Variants in FAM83B observed in about 807,000 individuals in gnomAD.
FAM83B encodes the protein scaffolding CK1 anchoring protein B.
FAM83B carries 26 observed loss-of-function variants against 38.8 expected under a neutral mutation model. The ratio of observed to expected loss-of-function variants is 0.67; its 90% confidence interval spans 0.49 to 0.93. FAM83B has a LOEUF of 0.93. Among genes scored for constraint, FAM83B ranks in the 40% least tolerant of loss-of-function variants. The probability of loss-of-function intolerance (pLI) is 0.00; values close to 1 mark genes in which losing one functional copy is unlikely to be tolerated. For missense variants in FAM83B, 1,237 were observed against 1,197.3 expected (o/e 1.03, Z -0.49); for synonymous variants, 419 against 423.1 (o/e 0.99, Z 0.12).
chr6:54,861,794 C>T (rs908541428), intron 1 of FAM83B, among the ~76,000 whole-genome samples: 2 of 152,082 alleles, frequency 1.3e-5, no homozygotes, highest in African/African-American at 4.8e-5. Context: ...ATTTCTGCAA[C>T]CGGTTACAGG....
chr6:54,869,255 C>G (rs1217872067), intron 1 of FAM83B, among the ~76,000 whole-genome samples: 1 of 152,206 alleles, frequency 6.6e-6, no homozygotes, highest in African/African-American at 2.4e-5. Flanking sequence ...TAAACCATCT[C>G]TGGAATACTC....
At chr6:54,850,439 T>C (rs1771245336) in intron 1 of FAM83B, among the ~76,000 whole-genome samples, 1 of 152,224 alleles carries the variant, frequency 6.6e-6, no homozygotes, top group East Asian at 1.9e-4. Flanking sequence ...GTGAAGCTTA[T>C]TATTTCCACT....
intron 3 of FAM83B, among the ~76,000 whole-genome samples, chr6:54,926,770 C>T (rs1475427326): frequency 1.3e-5 from 2 of 152,004 alleles, no homozygotes; most frequent in Admixed American, 6.6e-5. Flanking sequence ...TCTTGCTCTC[C>T]CTCCCAGAGT....
intron 4 of FAM83B, among the ~76,000 whole-genome samples, chr6:54,937,961 A>G (rs1185988724): frequency 6.6e-6 from 1 of 151,862 alleles, no homozygotes; most frequent in Non-Finnish European, 1.5e-5. Context: ...GATTTCTGAA[A>G]TTTTGGTGCA....
intron 1 of FAM83B, among the ~76,000 whole-genome samples, chr6:54,862,477 T>TA (rs1771609833): frequency 6.6e-6 from 1 of 152,194 alleles, no homozygotes; most frequent in Non-Finnish European, 1.5e-5. Flanking sequence ...CTTGAGTTCT[T>TA]ACCCAGGATG....
intron 2 of FAM83B, among the ~76,000 whole-genome samples, chr6:54,901,609 G>A (rs1335291039): frequency 6.6e-6 from 1 of 152,078 alleles, no homozygotes; most frequent in African/African-American, 2.4e-5. Flanking sequence ...ATTCTTTAAT[G>A]TTGAAACATA....
intron 2 of FAM83B, among the ~76,000 whole-genome samples, chr6:54,889,537 T>C (rs374822057): frequency 3.3e-5 from 5 of 152,184 alleles, no homozygotes; most frequent in African/African-American, 1.2e-4. Flanking sequence ...TAAAATGACA[T>C]GGTATTTGCA....
upstream of FAM83B, chr6:54,846,674 G>C (rs926974976): frequency 1.1e-4 from 17 of 152,194 alleles, no homozygotes; most frequent in African/African-American, 4.1e-4. Flanking sequence ...GGCGCGGTTC[G>C]AGCCGGAATC....
chr6:54,890,527 G>T (rs553722856), intron 2 of FAM83B, among the ~76,000 whole-genome samples: 3 of 152,138 alleles, frequency 2.0e-5, no homozygotes, highest in Admixed American at 6.5e-5. Flanking sequence ...TGAGATCAAA[G>T]AAATTAAGAG....
chr6:54,878,876 T>C (rs1772060048), intron 2 of FAM83B, among the ~76,000 whole-genome samples: 1 of 152,060 alleles, frequency 6.6e-6, no homozygotes, highest in African/African-American at 2.4e-5. Context: ...ATAATTCAGG[T>C]GTGGGGTGAT....
At chr6:54,932,007 C>A (rs1212471161) in intron 4 of FAM83B, among the ~76,000 whole-genome samples, 1 of 89,200 alleles carries the variant, frequency 1.1e-5, no homozygotes, top group Non-Finnish European at 2.0e-5. Context: ...TTACATAAAA[C>A]TTTTTTTTTT....
At chr6:54,866,676 T>C (rs1227376721) in intron 1 of FAM83B, among the ~76,000 whole-genome samples, 3 of 152,152 alleles carry the variant, frequency 2.0e-5, no homozygotes, top group Non-Finnish European at 4.4e-5. Context: ...AATATTCACC[T>C]GTTGAAAGAC....
intron 4 of FAM83B, 94 bp from the exon 5 acceptor site, chr6:54,939,612 A>T (rs550844631): frequency 8.4e-7 from 1 of 1,193,322 alleles, no homozygotes; most frequent in East Asian, 2.6e-5. Flanking sequence ...AGAAAAGTAC[A>T]AAAACATAGT....
rs140410169 is a variant in FAM83B at position 54,892,675 on chromosome 6, A to G, written c.444+21985A>G. ...AAAATACTCTTCTCCATCTCCTCCT[A>G]TTAATATTATATACATAAATATATA... On this transcript the variant is annotated intron_variant, in intron 2 of 4. Coordinates refer to ENST00000306858, the MANE Select transcript of FAM83B (RefSeq NM_001010872.3). Among the ~76,000 whole-genome samples, 5 of 149,700 alleles carry G rather than the reference A, an allele frequency of 3.3e-5. No homozygotes were observed. The East Asian group carries it at 9.7e-4, about 29-fold the overall frequency.
In FAM83B at chr6:54,896,826, T is replaced by C. The variant is rs532935063; in HGVS notation, c.444+26136T>C. On this transcript the variant is annotated intron_variant, in intron 2 of 4. Transcript: ENST00000306858. ...GAAAACAACAAAGATAATTTTGTACTTAAAGAAGTCACATTTCTACAACTG... is the reference window on the plus strand; with the variant it reads ...GAAAACAACAAAGATAATTTTGTACCTAAAGAAGTCACATTTCTACAACTG... Among the ~76,000 whole-genome samples, 6 of 152,332 alleles carry C rather than the reference T, an allele frequency of 3.9e-5. No homozygotes were observed. The South Asian group carries it at 1.2e-3, about 32-fold the overall frequency.
At chr6:54,856,000 T>A (rs1171608003) in intron 1 of FAM83B, among the ~76,000 whole-genome samples, 1 of 152,178 alleles carries the variant, frequency 6.6e-6, no homozygotes, top group Non-Finnish European at 1.5e-5. Context: ...AAGGTATAGA[T>A]AACATAATCA....
chr6:54,865,912 T>G (rs1385657300), intron 1 of FAM83B, among the ~76,000 whole-genome samples: 1 of 151,786 alleles, frequency 6.6e-6, no homozygotes, highest in African/African-American at 2.4e-5. Context: ...CTTATCAAAT[T>G]TATTACATAT....
At chr6:54,857,314 G>A (rs1006537406) in intron 1 of FAM83B, among the ~76,000 whole-genome samples, 2 of 152,172 alleles carry the variant, frequency 1.3e-5, no homozygotes, top group Non-Finnish European at 2.9e-5. Flanking sequence ...GGTGGGACAG[G>A]AGGGCACATG....
chr6:54,880,013 C>T (rs1301718921), intron 2 of FAM83B, among the ~76,000 whole-genome samples: 1 of 152,116 alleles, frequency 6.6e-6, no homozygotes, highest in African/African-American at 2.4e-5. Flanking sequence ...TTTAAGATGT[C>T]TTAATCATCT....
Sources: allele counts gnomAD v4.1 joint callset (sites outside exome capture counted in the v4.1 genomes callset), GRCh38; gene constraint gnomAD v4.1.1; transcripts MANE v1.5; gene names NCBI Gene and HGNC (gene_info 2026-07-23, HGNC 2026-07-21).